The following GHR variants were observed in gnomAD, a reference collection of about 807,000 sequenced individuals.
GHR encodes the protein growth hormone receptor, also known as GH receptor.
In GHR, 35 loss-of-function variants were observed where a neutral mutation model predicts 67.1. The ratio of observed to expected loss-of-function variants is 0.52; its 90% confidence interval spans 0.40 to 0.69. The LOEUF (loss-of-function observed/expected upper bound fraction) is 0.69. Among genes scored for constraint, GHR ranks in the 30% least tolerant of loss-of-function variants. The pLI, the probability that GHR is intolerant of heterozygous loss-of-function variation, is 0.00. For synonymous variants in GHR, 272 were observed against 269.1 expected (o/e 1.01, Z -0.10); for missense variants, 792 against 764.6 (o/e 1.04, Z -0.42).
At chr5:42,504,807 C>T (rs1746688980) in intron 1 of GHR, among the ~76,000 whole-genome samples, 1 of 152,126 alleles carries the variant, frequency 6.6e-6, no homozygotes, top group Admixed American at 6.5e-5. Context: ...CTTTTCCAAG[C>T]TAAGGCAAGA....
At chr5:42,480,842 A>G (rs917960872) in intron 1 of GHR, among the ~76,000 whole-genome samples, 2 of 152,054 alleles carry the variant, frequency 1.3e-5, no homozygotes, top group Admixed American at 6.6e-5. Context: ...TCTTTATCCA[A>G]TTTGCCAGCC....
intron 6 of GHR, among the ~76,000 whole-genome samples, chr5:42,708,531 A>G (rs1758292947): frequency 6.6e-6 from 1 of 152,190 alleles, no homozygotes; most frequent in African/African-American, 2.4e-5. Context: ...TCAATTTCTA[A>G]TACTGTAAAT....
intron 3 of GHR, among the ~76,000 whole-genome samples, chr5:42,654,885 T>G (rs1402911300): frequency 1.3e-5 from 2 of 152,146 alleles, no homozygotes; most frequent in Non-Finnish European, 2.9e-5. Context: ...GACTATTGAT[T>G]GCAGCCACTT....
intron 1 of GHR, among the ~76,000 whole-genome samples, chr5:42,543,958 G>T (rs949108350): frequency 6.6e-6 from 1 of 151,802 alleles, no homozygotes; most frequent in Non-Finnish European, 1.5e-5. Flanking sequence ...TGGCACAGAA[G>T]AAGTTCAAAG....
At chr5:42,547,656 C>G (rs1386340039) in intron 1 of GHR, among the ~76,000 whole-genome samples, 1 of 152,060 alleles carries the variant, frequency 6.6e-6, no homozygotes, top group African/African-American at 2.4e-5. Context: ...CCAAAATATA[C>G]TTAGTTGATT....
chr5:42,637,828 G>A (rs1287325860), intron 3 of GHR, among the ~76,000 whole-genome samples: 2 of 152,184 alleles, frequency 1.3e-5, no homozygotes, highest in Admixed American at 1.3e-4. Context: ...CCAGTTATGG[G>A]ATTGCTAGGT....
intron 2 of GHR, among the ~76,000 whole-genome samples, chr5:42,597,831 G>A (rs1250181113): frequency 6.6e-6 from 1 of 152,202 alleles, no homozygotes; most frequent in Non-Finnish European, 1.5e-5. Context: ...CAGTGACATA[G>A]TCACTGAGGA....
intron 3 of GHR, among the ~76,000 whole-genome samples, chr5:42,682,452 T>C (rs753053829): frequency 1.3e-5 from 2 of 152,208 alleles, no homozygotes; most frequent in Non-Finnish European, 2.9e-5. Context: ...AAGATTCTAA[T>C]AGGATTTTTA....
chr5:42,525,540 G>A lies in GHR; in HGVS notation c.-11-40324G>A, dbSNP rs554089469. ...GTAAGACTTTGGACTGTGGACTTTTGGGTTAATGCTGAAATGAATTAAGAC... is the reference window on the plus strand; with the variant it reads ...GTAAGACTTTGGACTGTGGACTTTTAGGTTAATGCTGAAATGAATTAAGAC... On this transcript the variant is annotated intron_variant, in intron 1 of 9. Coordinates refer to ENST00000230882, the MANE Select transcript of GHR (RefSeq NM_000163.5). Among the ~76,000 whole-genome samples the A allele has an allele frequency of 1.9e-4, 29 of 152,276 alleles. No homozygotes were observed. In the South Asian group the frequency reaches 4.8e-3, roughly 25 times the overall value.
In GHR at chr5:42,703,614, G is replaced by A. The variant is rs148617842; in HGVS notation, c.618+3612G>A. ...TGACATTGGAATTTTGATAAGGATT[G>A]CATTGAATCTGTAGATTGCTTTAGG... On this transcript the variant is annotated intron_variant, in intron 6 of 9. Coordinates refer to ENST00000230882, the MANE Select transcript of GHR (RefSeq NM_000163.5). Among the ~76,000 whole-genome samples the A allele has an allele frequency of 3.0e-4, 46 of 152,104 alleles. No individual in the cohort carries two copies. In the East Asian group the frequency reaches 5.0e-3, roughly 17 times the overall value.
rs575533444 is a variant in GHR at position 42,571,573 on chromosome 5, G to A, written c.70+5629G>A. Among the ~76,000 whole-genome samples, 24 of 152,308 alleles carry A rather than the reference G, an allele frequency of 1.6e-4. No individual in the cohort carries two copies. The South Asian group carries it at 1.7e-3, about 11-fold the overall frequency. ...GGTTGGTTAGGCTCCCACGGAAAAT[G>A]AGTGACCTACCCCTACAAAGAAGCT... On this transcript the variant is annotated intron_variant, in intron 2 of 9. Coordinates refer to ENST00000230882, the MANE Select transcript of GHR (RefSeq NM_000163.5).
chr5:42,556,224 G>C (rs1749301680), intron 1 of GHR, among the ~76,000 whole-genome samples: 2 of 152,082 alleles, frequency 1.3e-5, no homozygotes, highest in African/African-American at 4.8e-5. Context: ...AAGAAGGCAG[G>C]AATACATGCA....
At chr5:42,573,652 G>A (rs1190753107) in intron 2 of GHR, among the ~76,000 whole-genome samples, 1 of 152,006 alleles carries the variant, frequency 6.6e-6, no homozygotes, top group Non-Finnish European at 1.5e-5. Context: ...TGCCCCTTTG[G>A]ACATTGAACT....
chr5:42,664,502 C>T (rs1223289550), intron 3 of GHR, among the ~76,000 whole-genome samples: 1 of 152,102 alleles, frequency 6.6e-6, no homozygotes, highest in African/African-American at 2.4e-5. Flanking sequence ...AAAAGGATTC[C>T]CTATTTAATA....
chr5:42,560,319 G>C (rs141888176), intron 1 of GHR, among the ~76,000 whole-genome samples: 1 of 151,998 alleles, frequency 6.6e-6, no homozygotes, highest in Non-Finnish European at 1.5e-5. Context: ...TCAGTCTCCC[G>C]ATCAGCTGGG....
chr5:42,673,048 A>C (rs900908273), intron 3 of GHR, among the ~76,000 whole-genome samples: 5 of 152,156 alleles, frequency 3.3e-5, no homozygotes, highest in African/African-American at 1.2e-4. Flanking sequence ...GTCTGTTAGG[A>C]ACTTAAACAA....
intron 2 of GHR, among the ~76,000 whole-genome samples, chr5:42,583,901 T>G (rs1177651297): frequency 2.8e-5 from 4 of 144,982 alleles, no homozygotes; most frequent in African/African-American, 1.0e-4. Context: ...ATATATAAAT[T>G]CTTACAGTTT....
At chr5:42,625,046 A>G (rs1310401612) in intron 2 of GHR, among the ~76,000 whole-genome samples, 2 of 152,172 alleles carry the variant, frequency 1.3e-5, no homozygotes, top group African/African-American at 4.8e-5. Flanking sequence ...TGAAGATAAT[A>G]ATAAAATTTA....
Position 42,424,675 on chromosome 5 carries a change from G to A in GHR, c.-12+720G>A. On this transcript the variant is annotated intron_variant, in intron 1 of 9. Coordinates refer to ENST00000230882, the MANE Select transcript of GHR (RefSeq NM_000163.5). The surrounding 1 kb of genome is among the most constrained non-coding windows in gnomAD (Gnocchi z 4.1). ...GGTTGTAAAATCAACCAGGCTTAAAGTTTTGACAGAACTGCCAGAGGCTGC... is the reference window on the plus strand; with the variant it reads ...GGTTGTAAAATCAACCAGGCTTAAAATTTTGACAGAACTGCCAGAGGCTGC... 1 of 1,346,374 alleles carries A rather than the reference G, an allele frequency of 7.4e-7. No homozygotes were observed. Among genetic ancestry groups the A allele is most frequent in the Non-Finnish European group, 1.0e-6 (1 of 973,878 alleles). 83.4% of individuals were successfully genotyped at this position (1,346,374 alleles called of 1,614,324 possible).
Sources: gnomAD v4.1 joint callset for allele counts (sites outside exome capture counted in the v4.1 genomes callset) on GRCh38, gnomAD v4.1.1 for gene constraint, Gnocchi (gnomAD v3.1) non-coding constraint, MANE v1.5 for transcripts, NCBI Gene and HGNC (gene_info 2026-07-23, HGNC 2026-07-21) for gene names.